The following LIN7B variants were observed in gnomAD, a reference collection of about 807,000 sequenced individuals.
LIN7B encodes the protein lin-7 cell polarity scaffold B, also known as protein lin-7 homolog B.
Under a neutral mutation model 27.9 loss-of-function variants are expected in LIN7B, and 16 were observed. That is an observed-to-expected ratio of 0.57 (90% CI 0.39 to 0.87). LIN7B has a LOEUF of 0.87. Ranked by LOEUF, LIN7B falls within the 40% of genes least tolerant of loss-of-function variation. The probability of loss-of-function intolerance (pLI) is 0.00; values close to 1 mark genes in which losing one functional copy is unlikely to be tolerated. For synonymous variants in LIN7B, 147 were observed against 120.8 expected (o/e 1.22, Z -1.42); for missense variants, 291 against 288.5 (o/e 1.01, Z -0.06).
Position 49,118,357 on chromosome 19 carries a change from T to TG in LIN7B, c.610dup (p.Glu204GlyfsTer29). 1 of 1,614,074 alleles carries TG rather than the reference T, an allele frequency of 6.2e-7. No homozygotes were observed. The highest frequency in any genetic ancestry group is 8.5e-7 in the Non-Finnish European group (1 of 1,179,936). On this transcript the variant is annotated frameshift_variant, in exon 6 of 6. Transcript: ENST00000221459. LOFTEE classifies it high-confidence loss of function. ...CTTGTCCACCCCCCTTGCAGGTCCT[T>TG]GGAGTCTCGAGGTTGAAACCACAGA... is the stretch of plus-strand genomic sequence containing the variant.
rs891110485 is a variant in LIN7B, at chr19:49,116,558, C to T, written c.438+86C>T. ...GCTTTTGACATTCACTCAACACACA[C>T]TGAGTGTTGTCTGTATGGCTAGCCC... On this transcript the variant is annotated intron_variant, in intron 4 of 5. Transcript: ENST00000221459. The T allele has an allele frequency of 2.5e-6, 3 of 1,204,726 alleles. No individual in the cohort carries two copies. The African/African-American group carries it at 4.5e-5, about 18-fold the overall frequency. The allele number at this position is 1,204,726 out of a possible 1,614,324, so 74.6% of individuals were successfully genotyped here.
intron 4 of LIN7B, among the ~76,000 whole-genome samples, chr19:49,116,839 C>G (rs1488237064): frequency 2.0e-5 from 3 of 152,168 alleles, no homozygotes; most frequent in Non-Finnish European, 2.9e-5. Flanking sequence ...AAACAAGGTA[C>G]AGGGTGTTCC....
chr19:49,116,501 G>A (rs1325402057), intron 4 of LIN7B, 29 bp downstream of exon 4: 1 of 1,585,800 alleles, frequency 6.3e-7, no homozygotes. Flanking sequence ...CAGGACTGGG[G>A]GACACAGTCT....
rs748925350 is a variant in LIN7B at position 49,117,989 on chromosome 19, C to CCGCCGGCGCCAACAGCATCAGAGCTACT, written c.576_602+1dup. 6.2e-7 allele frequency: 1 copy of CCGCCGGCGCCAACAGCATCAGAGCTACT among 1,614,048 alleles called. No homozygotes were observed. The highest frequency in any genetic ancestry group is 8.5e-7 in the Non-Finnish European group (1 of 1,179,974). ...CCCGGTTCGAGAAGATGCGCTCTGCCCGCCGGCGCCAACAGCATCAGAGCT... is the reference window on the plus strand; with the variant it reads ...CCCGGTTCGAGAAGATGCGCTCTGCCCGCCGGCGCCAACAGCATCAGAGCTACTCGCCGGCGCCAACAGCATCAGAGCT... On this transcript the variant is annotated frameshift_variant, in exon 5 of 6. Coordinates refer to ENST00000221459, the MANE Select transcript of LIN7B (RefSeq NM_022165.3). LOFTEE classifies it high-confidence loss of function.
intron 4 of LIN7B, among the ~76,000 whole-genome samples, chr19:49,116,855 AG>A (rs1382131500): frequency 6.6e-6 from 1 of 152,134 alleles, no homozygotes; most frequent in Non-Finnish European, 1.5e-5. Flanking sequence ...GTTCCTGCTG[AG>A]GGTACTGTAG....
chr19:49,114,478 G>T, intron 1 of LIN7B, 37 bp downstream of exon 1: 2 of 1,201,770 alleles, frequency 1.7e-6, no homozygotes, highest in Non-Finnish European at 2.1e-6. Context: ...CACCCGGGCC[G>T]CGGCCTACAT....
intron 4 of LIN7B, among the ~76,000 whole-genome samples, chr19:49,117,175 G>T (rs887353888): frequency 6.6e-6 from 1 of 150,694 alleles, no homozygotes; most frequent in Non-Finnish European, 1.5e-5. Context: ...GAACCTGGGA[G>T]GCAGAGGTTG....
chr19:49,116,632 T>C (rs991211892), intron 4 of LIN7B, among the ~76,000 whole-genome samples, 160 bp downstream of exon 4: 2 of 152,252 alleles, frequency 1.3e-5, no homozygotes, highest in African/African-American at 4.8e-5. Context: ...CTCAGCTCCC[T>C]ACACTCAACC....
chr19:49,115,541 T>G (rs74174277), intron 3 of LIN7B: 1 of 561,824 alleles, frequency 1.8e-6, no homozygotes, highest in Non-Finnish European at 3.2e-6. Context: ...TATGGCATGG[T>G]TGGTAGAAGA....
chr19:49,117,018 C>T (rs536263077), intron 4 of LIN7B, among the ~76,000 whole-genome samples: 27 of 151,854 alleles, frequency 1.8e-4, no homozygotes, highest in Admixed American at 6.6e-4. Context: ...GGCTGAGGCA[C>T]GTGGATCACT....
chr19:49,114,907 G>A lies in LIN7B; in HGVS notation c.96G>A (p.Pro32=). ...ERLQRSGELP[P]QKLQALQRVL... Reference sequence around the variant, plus strand: ...TCCAGCGCAGCGGGGAGCTGCCGCCGCAGAAGCTGCAGGCCCTCCAGCGAG... The same window carrying A: ...TCCAGCGCAGCGGGGAGCTGCCGCCACAGAAGCTGCAGGCCCTCCAGCGAG... The change falls in exon 2 of 6, where the codon CCG becomes CCA. Residue 32 remains proline, a synonymous_variant. Transcript: ENST00000221459. 2 of 1,469,704 alleles carry A rather than the reference G, an allele frequency of 1.4e-6. No homozygotes were observed. The highest frequency in any genetic ancestry group is 9.0e-7 in the Non-Finnish European group (1 of 1,111,070). The allele number at this position is 1,469,704 out of a possible 1,614,324, so 91.0% of individuals were successfully genotyped here.
Position 49,117,881 on chromosome 19 carries a change from G to A in LIN7B, c.465G>A (p.Lys155=). The change falls in exon 5 of 6, where the codon AAG becomes AAA. Residue 155 remains lysine (K), a synonymous_variant. Coordinates refer to ENST00000221459, the MANE Select transcript of LIN7B (RefSeq NM_022165.3). ...GCGTTGAGGGTGAGCAGCATGAGAA[G>A]GCGGTGGAGCTGCTGAAGGCGGCCC... ...GVSVEGEQHE[K]AVELLKAAQG... is the part of the protein sequence containing the mutation. 1 of 1,613,628 alleles carries A rather than the reference G, an allele frequency of 6.2e-7. No individual in the cohort carries two copies. Among genetic ancestry groups the A allele is most frequent in the Non-Finnish European group, 8.5e-7 (1 of 1,179,824 alleles).
At chr19:49,115,759 G>T (rs1400521288) in intron 3 of LIN7B, 6 of 159,634 alleles carry the variant, frequency 3.8e-5, no homozygotes. Flanking sequence ...GCCGAGGCAG[G>T]TGGATCAGTT....
Position 49,114,867 on chromosome 19 carries a change from A to G in LIN7B, c.56A>G (p.Glu19Gly). ...CCCGCAGACGTGTCCCGGGCGGTTGAGCTCCTCGAGCGGCTCCAGCGCAGC... is the reference window on the plus strand; with the variant it reads ...CCCGCAGACGTGTCCCGGGCGGTTGGGCTCCTCGAGCGGCTCCAGCGCAGC... Reference protein sequence around the residue: ...GLERDVSRAVELLERLQRSGE... With the variant: ...GLERDVSRAVGLLERLQRSGE... The change falls in exon 2 of 6, where the codon GAG becomes GGG. Residue 19 changes from glutamate (E) to glycine (G), a missense_variant. By Grantham distance (98) the Glu-to-Gly change is moderately conservative (BLOSUM62 -2). Transcript: ENST00000221459. 6 of 1,463,344 alleles carry G rather than the reference A, an allele frequency of 4.1e-6. No homozygotes were observed. The highest frequency in any genetic ancestry group is 5.4e-6 in the Non-Finnish European group (6 of 1,111,616). 90.6% of individuals were successfully genotyped at this position (1,463,344 alleles called of 1,614,324 possible).
At chr19:49,114,498 C>T (rs2122447672) in intron 1 of LIN7B, 57 bp downstream of exon 1, 1 of 1,162,232 alleles carries the variant, frequency 8.6e-7, no homozygotes, top group East Asian at 3.4e-5. Flanking sequence ...TACCCAGCCC[C>T]CGGTCCCCGC....
At chr19:49,115,457 T>C (rs1568427725) in intron 3 of LIN7B, 126 bp downstream of exon 3, 5 of 795,662 alleles carry the variant, frequency 6.3e-6, no homozygotes, top group Non-Finnish European at 1.0e-5. Context: ...GCCACCTTAC[T>C]ATTAGTAAAT....
intron 1 of LIN7B, 123 bp from the exon 2 acceptor site, chr19:49,114,726 C>A (rs1204413783): frequency 7.4e-6 from 4 of 539,922 alleles, no homozygotes; most frequent in Non-Finnish European, 1.2e-5. Context: ...GCGGGGTGTC[C>A]GACTAGGCTT....
Position 49,115,274 on chromosome 19 carries a change from T to A in LIN7B, c.171T>A (p.Leu57=). 2 of 1,559,976 alleles carry A rather than the reference T, an allele frequency of 1.3e-6. No homozygotes were observed. The highest frequency in any genetic ancestry group is 1.7e-6 in the Non-Finnish European group (2 of 1,151,260). Reference sequence around the variant, plus strand: ...TCCTCACCCAGGTGTATGAGCAGCTTTATGACACGCTGGACATCACCGGCA... The same window carrying A: ...TCCTCACCCAGGTGTATGAGCAGCTATATGACACGCTGGACATCACCGGCA... ...CSAIREVYEQ[L]YDTLDITGSA... Residue 57 remains leucine, a synonymous_variant, in exon 3 of 6, where the codon CTT becomes CTA. Coordinates refer to ENST00000221459, the MANE Select transcript of LIN7B (RefSeq NM_022165.3).
Position 49,118,025 on chromosome 19 carries a change from C to G in LIN7B, c.602+7C>G. The G allele has an allele frequency of 6.2e-7, 1 of 1,613,728 alleles. No homozygotes were observed. The highest frequency in any genetic ancestry group is 8.5e-7 in the Non-Finnish European group (1 of 1,179,888). On this transcript the variant is annotated splice_region_variant and intron_variant, in intron 5 of 5. Coordinates refer to ENST00000221459, the MANE Select transcript of LIN7B (RefSeq NM_022165.3). ...AACAGCATCAGAGCTACTCGTGAGC[C>G]CCTGGGTCACCACACCCCTGGGGCC... is the stretch of plus-strand genomic sequence containing the variant.
Sources: gnomAD v4.1 joint callset for allele counts (sites outside exome capture counted in the v4.1 genomes callset) on GRCh38, gnomAD v4.1.1 for gene constraint, MANE v1.5 for transcripts, NCBI Gene and HGNC (gene_info 2026-07-23, HGNC 2026-07-21) for gene names.